Variants in SHANK2 observed in about 807,000 individuals in gnomAD.
The protein encoded by SHANK2 is SH3 and multiple ankyrin repeat domains protein 2.
SHANK2 carries 43 observed loss-of-function variants against 133.7 expected under a neutral mutation model. That is an observed-to-expected ratio of 0.32 (90% CI 0.25 to 0.41). SHANK2 has a LOEUF of 0.41. Ranked by LOEUF, SHANK2 falls within the 10% of genes least tolerant of loss-of-function variation. The pLI is 1.00. For missense variants in SHANK2, 1,994 were observed against 2,235.8 expected, an observed-to-expected ratio of 0.89 and a Z score of 2.18; for synonymous variants, 1,017 against 952.8, an observed-to-expected ratio of 1.07 and a Z score of -1.24.
chr11:71,188,633 A>G lies in SHANK2; in HGVS notation c.-13+36064T>C, dbSNP rs1953723438. On this transcript the variant is annotated intron_variant, in intron 2 of 25. Transcript: ENST00000601538. The surrounding 1 kb of genome is among the most constrained non-coding windows in gnomAD (Gnocchi z 4.6). Reference sequence around the variant, plus strand: ...GAAATTCACTGTGCCTATAACCCAAAGTCAAGATGAAACTGAGGTGTGGGC... The same window carrying G: ...GAAATTCACTGTGCCTATAACCCAAGGTCAAGATGAAACTGAGGTGTGGGC... Among the ~76,000 whole-genome samples the G allele has an allele frequency of 6.6e-6, 1 of 152,198 alleles. No homozygotes were observed. The highest frequency in any genetic ancestry group is 1.5e-5 in the Non-Finnish European group (1 of 68,044).
intron 17 of SHANK2, among the ~76,000 whole-genome samples, chr11:70,541,094 G>A (rs570292371): frequency 1.3e-4 from 20 of 152,226 alleles, no homozygotes; most frequent in East Asian, 3.9e-4. Context: ...CTTGTCTCCC[G>A]TGACTGGCTT....
chr11:71,156,912 C>T lies in SHANK2; in HGVS notation c.-12-9574G>A, dbSNP rs538302407. On this transcript the variant is annotated intron_variant, in intron 2 of 25. Transcript: ENST00000601538. ...CTTGCTACACTCAAGATCTTAGAAG[C>T]AAAAGCCAATCACATACCTACAATG... Among the ~76,000 whole-genome samples, 6 of 152,268 alleles carry T rather than the reference C, an allele frequency of 3.9e-5. No individual in the cohort carries two copies. In the East Asian group the frequency reaches 1.2e-3, roughly 29 times the overall value.
intron 9 of SHANK2, among the ~76,000 whole-genome samples, 191 bp downstream of exon 9, chr11:71,074,968 A>T (rs1433639206): frequency 6.6e-6 from 1 of 151,698 alleles, no homozygotes; most frequent in Admixed American, 6.6e-5. Flanking sequence ...TTTAGTAGAG[A>T]CAGGGTTTCA....
intron 8 of SHANK2, among the ~76,000 whole-genome samples, chr11:71,088,626 C>G (rs1951451056): frequency 6.6e-6 from 1 of 152,192 alleles, no homozygotes; most frequent in African/African-American, 2.4e-5. Context: ...TTCAGGGTTC[C>G]ATGACTCCCG....
chr11:71,136,124 G>A (rs1952434376), intron 3 of SHANK2, among the ~76,000 whole-genome samples: 1 of 152,196 alleles, frequency 6.6e-6, no homozygotes, highest in African/African-American at 2.4e-5. Flanking sequence ...TGACCATTGA[G>A]TGGGAATGGA....
intron 11 of SHANK2, among the ~76,000 whole-genome samples, chr11:70,858,545 T>C (rs574162223): frequency 1.1e-4 from 16 of 152,236 alleles, no homozygotes; most frequent in Non-Finnish European, 2.1e-4. Context: ...GAGTATCCCA[T>C]GGACATGGCA....
At chr11:70,745,091 A>C (rs539343666) in intron 14 of SHANK2, among the ~76,000 whole-genome samples, 3 of 152,330 alleles carry the variant, frequency 2.0e-5, no homozygotes, top group African/African-American at 4.8e-5. Flanking sequence ...CTCCTCATCA[A>C]GGATTGTCAT....
chr11:71,162,216 G>A (rs1555110007), intron 2 of SHANK2, among the ~76,000 whole-genome samples: 2 of 152,192 alleles, frequency 1.3e-5, no homozygotes. Context: ...TACAGCTCTG[G>A]ATGCTGAGAA....
At chr11:71,078,309 TG>T (rs1951247632) in intron 8 of SHANK2, among the ~76,000 whole-genome samples, 3 of 152,214 alleles carry the variant, frequency 2.0e-5, no homozygotes, top group African/African-American at 7.2e-5. Context: ...AAGTCTGCCT[TG>T]TTGTAAATAT....
intron 5 of SHANK2, among the ~76,000 whole-genome samples, chr11:71,110,819 T>G (rs927542984): frequency 6.6e-6 from 1 of 152,246 alleles, no homozygotes; most frequent in Non-Finnish European, 1.5e-5. Flanking sequence ...TGCTACGGAC[T>G]TAACGTGTGT....
chr11:70,840,596 T>C (rs1299688287), intron 11 of SHANK2, among the ~76,000 whole-genome samples: 2 of 152,206 alleles, frequency 1.3e-5, no homozygotes, highest in African/African-American at 4.8e-5. Flanking sequence ...CCTCTCCCTC[T>C]GAACTGTCCA....
At chr11:71,199,582 C>T (rs1475452606) in intron 2 of SHANK2, among the ~76,000 whole-genome samples, 1 of 152,224 alleles carries the variant, frequency 6.6e-6, no homozygotes, top group Non-Finnish European at 1.5e-5. Context: ...CTCCCCAAGC[C>T]GCAGCCCACG....
chr11:70,794,177 A>C (rs911572705), intron 14 of SHANK2, among the ~76,000 whole-genome samples: 2 of 149,740 alleles, frequency 1.3e-5, no homozygotes, highest in Admixed American at 6.7e-5. Context: ...GCTACTAGGG[A>C]GGCTGAGGCA....
chr11:71,168,572 CG>C (rs1953238520), intron 2 of SHANK2, among the ~76,000 whole-genome samples: 1 of 152,128 alleles, frequency 6.6e-6, no homozygotes, highest in African/African-American at 2.4e-5. Context: ...TCTGCAATCC[CG>C]GCACTTCAGG....
At chr11:70,751,904 G>A (rs1946756016) in intron 14 of SHANK2, among the ~76,000 whole-genome samples, 2 of 151,374 alleles carry the variant, frequency 1.3e-5, no homozygotes, top group South Asian at 4.2e-4. Context: ...AAATTAAAAT[G>A]GAAAAGTAAC....
At chr11:70,806,425 T>C (rs1948160783) in intron 13 of SHANK2, among the ~76,000 whole-genome samples, 1 of 152,206 alleles carries the variant, frequency 6.6e-6, no homozygotes, top group Non-Finnish European at 1.5e-5. Flanking sequence ...CACACCTGAC[T>C]TCCCCCTGGG....
At chr11:70,678,008 C>G (rs1437115919) in intron 15 of SHANK2, among the ~76,000 whole-genome samples, 1 of 152,166 alleles carries the variant, frequency 6.6e-6, no homozygotes, top group East Asian at 1.9e-4. Flanking sequence ...TTAGGGGGCC[C>G]CCTCCAAAGA....
intron 6 of SHANK2, among the ~76,000 whole-genome samples, chr11:71,102,958 G>A (rs1479511538): frequency 6.6e-6 from 1 of 152,238 alleles, no homozygotes; most frequent in Non-Finnish European, 1.5e-5. Flanking sequence ...TTTGGCGTGT[G>A]TCTACCTGGT....
chr11:70,908,085 G>C (rs139312443), intron 10 of SHANK2: 57 of 241,142 alleles, frequency 2.4e-4, no homozygotes, highest in African/African-American at 1.0e-3. Context: ...AACAGAGTGA[G>C]AGTCCATCTC....
Sources: allele counts gnomAD v4.1 joint callset (sites outside exome capture counted in the v4.1 genomes callset), GRCh38; gene constraint gnomAD v4.1.1; non-coding constraint Gnocchi (gnomAD v3.1); transcripts MANE v1.5; gene names NCBI Gene and HGNC (gene_info 2026-07-23, HGNC 2026-07-21).